TTC28: variants seen among roughly 807,000 people sequenced by gnomAD.
The protein encoded by TTC28 is tetratricopeptide repeat protein 28.
In TTC28, 61 loss-of-function variants were observed where a neutral mutation model predicts 198.0. That is an observed-to-expected ratio of 0.31 (90% CI 0.25 to 0.38). TTC28 has a LOEUF of 0.38. Among genes scored for constraint, TTC28 ranks in the 10% least tolerant of loss-of-function variants. The pLI, the probability that TTC28 is intolerant of heterozygous loss-of-function variation, is 1.00. For synonymous variants in TTC28, 1,171 were observed against 1,297.8 expected (o/e 0.90, Z 2.10); for missense variants, 2,678 against 3,164.0 (o/e 0.85, Z 3.69).
intron 2 of TTC28, among the ~76,000 whole-genome samples, chr22:28,551,423 C>CA (rs966829258): frequency 9.3e-5 from 14 of 151,076 alleles, no homozygotes; most frequent in African/African-American, 3.2e-4. Context: ...AAGGACACAG[C>CA]AAAAAAAAGA....
At chr22:28,602,306 T>C (rs2050652208) in intron 2 of TTC28, among the ~76,000 whole-genome samples, 1 of 152,154 alleles carries the variant, frequency 6.6e-6, no homozygotes, top group Non-Finnish European at 1.5e-5. Context: ...CTAATATACT[T>C]CTTGCCACGT....
intron 2 of TTC28, among the ~76,000 whole-genome samples, chr22:28,387,444 G>C (rs1303215100): frequency 6.6e-6 from 1 of 152,186 alleles, no homozygotes; most frequent in East Asian, 1.9e-4. Context: ...GGTTGAACTA[G>C]TTTACAGTCC....
intron 1 of TTC28, among the ~76,000 whole-genome samples, chr22:28,669,304 A>G (rs2051839489): frequency 1.4e-5 from 2 of 144,514 alleles, no homozygotes; most frequent in Admixed American, 7.0e-5. Context: ...GAGTATAATA[A>G]AAAAAAAAAA....
chr22:28,013,422 T>C (rs1294992477), intron 14 of TTC28, among the ~76,000 whole-genome samples: 1 of 152,178 alleles, frequency 6.6e-6, no homozygotes, highest in East Asian at 1.9e-4. Flanking sequence ...GAGGGCTGTG[T>C]TTGAATTAAA....
intron 6 of TTC28, among the ~76,000 whole-genome samples, chr22:28,128,897 G>A (rs1161264470): frequency 2.0e-5 from 3 of 152,094 alleles, no homozygotes; most frequent in Non-Finnish European, 2.9e-5. Flanking sequence ...ACCTAAACAC[G>A]AGATTTTAAG....
chr22:28,161,765 G>A lies in TTC28; in HGVS notation c.1441+1327C>T, dbSNP rs565319057. On this transcript the variant is annotated intron_variant, in intron 6 of 22. Transcript: ENST00000397906. The stretch of plus-strand genomic sequence containing the variant: ...GGACAGGACAGGACAGGAAAGGAAA[G>A]GAGGAAGGAAGAGAGGAATGGAGGA... Among the ~76,000 whole-genome samples the A allele has an allele frequency of 7.7e-4, 115 of 149,806 alleles. 2 individuals are homozygous for A. The South Asian group carries it at 0.024, about 32-fold the overall frequency.
chr22:28,159,658 C>CA (rs135652), intron 6 of TTC28, among the ~76,000 whole-genome samples: 11,686 of 69,760 alleles, frequency 0.17, 579 homozygotes, highest in East Asian at 0.25. Context: ...GACTCTGTCT[C>CA]AAAAAAAAAA....
At chr22:28,070,275 G>A (rs1328545808) in intron 12 of TTC28, among the ~76,000 whole-genome samples, 1 of 152,138 alleles carries the variant, frequency 6.6e-6, no homozygotes, top group Admixed American at 6.6e-5. Flanking sequence ...TCCAGTGGGA[G>A]AGTGAGAAAT....
intron 5 of TTC28, among the ~76,000 whole-genome samples, chr22:28,171,827 T>C (rs1412484325): frequency 1.3e-5 from 2 of 152,104 alleles, no homozygotes; most frequent in African/African-American, 4.8e-5. Flanking sequence ...GAAGCAGCAA[T>C]GAAGTCAACA....
intron 5 of TTC28, among the ~76,000 whole-genome samples, chr22:28,221,490 C>A (rs575468604): frequency 6.6e-6 from 1 of 152,174 alleles, no homozygotes; most frequent in Non-Finnish European, 1.5e-5. Context: ...AAGACAAGAA[C>A]TGGCTTTGAT....
At chr22:28,646,810 G>T (rs1220158348) in intron 1 of TTC28, among the ~76,000 whole-genome samples, 1 of 152,154 alleles carries the variant, frequency 6.6e-6, no homozygotes, top group Non-Finnish European at 1.5e-5. Context: ...GCTGCAGTAA[G>T]CCAAGATCAC....
At chr22:28,295,543 G>C (rs565814787) in intron 5 of TTC28, among the ~76,000 whole-genome samples, 6 of 152,246 alleles carry the variant, frequency 3.9e-5, no homozygotes, top group South Asian at 4.1e-4. Context: ...AAAAAGAAGA[G>C]TTAAGTTATA....
intron 2 of TTC28, among the ~76,000 whole-genome samples, chr22:28,562,539 A>G (rs1203576748): frequency 6.6e-6 from 1 of 152,212 alleles, no homozygotes; most frequent in African/African-American, 2.4e-5. Context: ...CTAACACACA[A>G]TAAGTAAACA....
intron 13 of TTC28, 134 bp downstream of exon 13, chr22:28,030,092 C>T: frequency 7.6e-7 from 1 of 1,316,484 alleles, no homozygotes; most frequent in South Asian, 1.5e-5. Context: ...GTGAAAGCAT[C>T]ATGCTTGCTG....
At chr22:28,657,116 G>C (rs1213990091) in intron 1 of TTC28, among the ~76,000 whole-genome samples, 1 of 152,090 alleles carries the variant, frequency 6.6e-6, no homozygotes, top group Non-Finnish European at 1.5e-5. Flanking sequence ...TTTATACGTG[G>C]GACAATAAGG....
intron 2 of TTC28, among the ~76,000 whole-genome samples, chr22:28,388,075 T>G (rs1289275173): frequency 6.6e-6 from 1 of 152,230 alleles, no homozygotes; most frequent in Non-Finnish European, 1.5e-5. Flanking sequence ...CTAGCCAGTT[T>G]TCCAAGCACC....
chr22:28,177,818 G>T (rs1202661174), intron 5 of TTC28, among the ~76,000 whole-genome samples: 1 of 152,188 alleles, frequency 6.6e-6, no homozygotes. Flanking sequence ...TGTATAGAGA[G>T]AATAAAAAGT....
intron 2 of TTC28, among the ~76,000 whole-genome samples, chr22:28,563,726 A>G (rs1216112768): frequency 6.6e-6 from 1 of 152,206 alleles, no homozygotes; most frequent in Non-Finnish European, 1.5e-5. Flanking sequence ...ACTGCTGTAG[A>G]AAAAAGTCTG....
intron 5 of TTC28, among the ~76,000 whole-genome samples, chr22:28,234,616 A>G (rs1415784105): frequency 6.7e-6 from 1 of 150,234 alleles, no homozygotes; most frequent in Non-Finnish European, 1.5e-5. Context: ...CAAGTGATCC[A>G]CCCACCTCCG....
Sources: gnomAD v4.1 joint callset for allele counts (sites outside exome capture counted in the v4.1 genomes callset) on GRCh38, gnomAD v4.1.1 for gene constraint, MANE v1.5 for transcripts, NCBI Gene and HGNC (gene_info 2026-07-23, HGNC 2026-07-21) for gene names.